RTN1: variants seen among roughly 807,000 people sequenced by gnomAD.
RTN1 encodes the protein reticulon-1.
Under a neutral mutation model 65.5 loss-of-function variants are expected in RTN1, and 25 were observed. That is an observed-to-expected ratio of 0.38 (90% CI 0.28 to 0.53). The LOEUF (loss-of-function observed/expected upper bound fraction) is 0.53, where lower values mean the gene tolerates loss of function less well. Among genes scored for constraint, RTN1 ranks in the 20% least tolerant of loss-of-function variants. The pLI, the probability that RTN1 is intolerant of heterozygous loss-of-function variation, is 0.79. For synonymous variants in RTN1, 471 were observed against 447.6 expected, an observed-to-expected ratio of 1.05 and a Z score of -0.66; for missense variants, 983 against 1,025.4, an observed-to-expected ratio of 0.96 and a Z score of 0.57.
chr14:59,802,610 T>C (rs572257635), intron 1 of RTN1, among the ~76,000 whole-genome samples: 1 of 152,338 alleles, frequency 6.6e-6, no homozygotes, highest in East Asian at 1.9e-4. Context: ...TTTAGTAGTG[T>C]ATTTAGAATT....
chr14:59,749,559 C>CTATATATTTA lies in RTN1; in HGVS notation c.242-3079_242-3078insTAAATATATA, dbSNP rs1566712167. On this transcript the variant is annotated intron_variant, in intron 1 of 8. Transcript: ENST00000267484. ...TATCTATATATATTTATATAGATAT[C>CTATATATTTA]TATATATAGATATATATATATAGAT... 5.1e-3 allele frequency among the ~76,000 whole-genome samples: 149 copies of CTATATATTTA among 29,472 alleles called. 13 individuals are homozygous for CTATATATTTA. Among genetic ancestry groups the CTATATATTTA allele is most frequent in the African/African-American group, 0.042 (143 of 3,394 alleles). 19.3% of individuals were successfully genotyped at this position (29,472 alleles called of 152,430 possible). A position where few individuals can be genotyped will look rare whatever the true frequency, so the allele number is the denominator to read the frequency against.
intron 8 of RTN1, among the ~76,000 whole-genome samples, chr14:59,601,095 T>C (rs1376147914): frequency 6.6e-6 from 1 of 152,190 alleles, no homozygotes; most frequent in East Asian, 1.9e-4. Context: ...GAATCAAAAC[T>C]CCACAGAGCA....
intron 2 of RTN1, among the ~76,000 whole-genome samples, chr14:59,740,868 T>G (rs894418289): frequency 1.3e-5 from 2 of 152,150 alleles, no homozygotes; most frequent in South Asian, 4.1e-4. Flanking sequence ...GTATCAAGAC[T>G]GACACTGCAA....
intron 1 of RTN1, among the ~76,000 whole-genome samples, chr14:59,771,206 T>C (rs187216240): frequency 4.6e-5 from 7 of 152,328 alleles, no homozygotes; most frequent in African/African-American, 1.7e-4. Context: ...AGTAGATATT[T>C]TGATCTCATA....
chr14:59,673,424 G>T (rs1883554185), intron 3 of RTN1, among the ~76,000 whole-genome samples: 1 of 152,208 alleles, frequency 6.6e-6, no homozygotes, highest in Non-Finnish European at 1.5e-5. Flanking sequence ...GTGAGTTCCA[G>T]GTCCTTGTCC....
chr14:59,815,768 G>A (rs141647389), intron 1 of RTN1, among the ~76,000 whole-genome samples: 10 of 152,150 alleles, frequency 6.6e-5, no homozygotes, highest in Non-Finnish European at 1.0e-4. Flanking sequence ...GGATCCTATG[G>A]TCTGCCTTTT....
At position 59,868,081 on chromosome 14, in the gene RTN1, T is replaced by G. The variant is rs1887828766; in HGVS notation, c.241+2309A>C. ...TGAGGGCTCACCTGCTAACTTTGCT[T>G]ATAGCAATAGAACTGCCAAAATAAC... is the stretch of plus-strand genomic sequence containing the variant. On this transcript the variant is annotated intron_variant, in intron 1 of 8. Coordinates refer to ENST00000267484, the MANE Select transcript of RTN1 (RefSeq NM_021136.3). The surrounding 1 kb of genome is among the most constrained non-coding windows in gnomAD (Gnocchi z 4.0). Among the ~76,000 whole-genome samples the G allele has an allele frequency of 6.6e-6, 1 of 152,240 alleles. No individual in the cohort carries two copies. The highest frequency in any genetic ancestry group is 2.4e-5 in the African/African-American group (1 of 41,462).
intron 8 of RTN1, among the ~76,000 whole-genome samples, chr14:59,598,382 T>C (rs1338960337): frequency 2.6e-5 from 4 of 152,166 alleles, no homozygotes; most frequent in East Asian, 1.9e-4. Flanking sequence ...AGTTCTGGGG[T>C]GAGATTGCAC....
intron 3 of RTN1, among the ~76,000 whole-genome samples, chr14:59,639,261 C>A (rs1882727421): frequency 6.6e-6 from 1 of 152,164 alleles, no homozygotes; most frequent in Admixed American, 6.5e-5. Flanking sequence ...GATCACAGAT[C>A]ACCATAACAG....
intron 1 of RTN1, among the ~76,000 whole-genome samples, chr14:59,770,726 C>T (rs1270161091): frequency 6.6e-6 from 1 of 152,088 alleles, no homozygotes; most frequent in Non-Finnish European, 1.5e-5. Flanking sequence ...AGGCTCATTT[C>T]CCTGAAGGCT....
At chr14:59,807,997 A>G (rs1403898271) in intron 1 of RTN1, among the ~76,000 whole-genome samples, 4 of 152,246 alleles carry the variant, frequency 2.6e-5, no homozygotes, top group African/African-American at 4.8e-5. Flanking sequence ...CGAGTCATAC[A>G]GGATGTTTGC....
At chr14:59,652,913 T>G (rs1883048228) in intron 3 of RTN1, among the ~76,000 whole-genome samples, 1 of 151,808 alleles carries the variant, frequency 6.6e-6, no homozygotes. Flanking sequence ...ACGAAAAAAG[T>G]ACAGAGACTT....
At chr14:59,844,868 T>A (rs181943755) in intron 1 of RTN1, among the ~76,000 whole-genome samples, 229 of 152,338 alleles carry the variant, frequency 1.5e-3, no homozygotes, top group Middle Eastern at 3.4e-3. Context: ...TTCTAATACA[T>A]CTTACTAGCT....
chr14:59,755,445 C>T (rs1885619415), intron 1 of RTN1, among the ~76,000 whole-genome samples: 1 of 152,126 alleles, frequency 6.6e-6, no homozygotes, highest in Non-Finnish European at 1.5e-5. Context: ...AAGCCAGAAT[C>T]AATGACCAAA....
chr14:59,868,337 T>C lies in RTN1; in HGVS notation c.241+2053A>G, dbSNP rs1357265885. 6.6e-6 allele frequency among the ~76,000 whole-genome samples: 1 copy of C among 152,226 alleles called. No homozygotes were observed. The highest frequency in any genetic ancestry group is 1.5e-5 in the Non-Finnish European group (1 of 68,036). The stretch of plus-strand genomic sequence containing the variant: ...TGCAAAATATGTGCTCCTTCCATCT[T>C]TCTTCATTCTTCTCCCATCCAAACG... On this transcript the variant is annotated intron_variant, in intron 1 of 8. Transcript: ENST00000267484. This position sits in a 1 kb window ranked among gnomAD's most constrained non-coding sequence, Gnocchi z 4.0.
At position 59,727,812 on chromosome 14, in the gene RTN1, A is replaced by G; in HGVS notation, c.1016-144T>C. The G allele has an allele frequency of 8.3e-7, 1 of 1,201,382 alleles. No individual in the cohort carries two copies. The highest frequency in any genetic ancestry group is 1.7e-5 in the South Asian group (1 of 60,280). 74.4% of individuals were successfully genotyped at this position (1,201,382 alleles called of 1,614,324 possible). A position where few individuals can be genotyped will look rare whatever the true frequency, so the allele number is the denominator to read the frequency against. On this transcript the variant is annotated intron_variant, in intron 2 of 8. Transcript: ENST00000267484. The surrounding 1 kb of genome is among the most constrained non-coding windows in gnomAD (Gnocchi z 4.2). ...AAACACATATCTCATTAGCACAAAA[A>G]TAATCTGTTTCCAGGGCTATGCTGG... is the stretch of plus-strand genomic sequence containing the variant.
At chr14:59,608,428 G>A (rs945123500) in intron 3 of RTN1, among the ~76,000 whole-genome samples, 1 of 152,180 alleles carries the variant, frequency 6.6e-6, no homozygotes, top group Non-Finnish European at 1.5e-5. Context: ...AAGAGAGCAG[G>A]GAGCTACTCC....
At chr14:59,752,770 T>C (rs1342634388) in intron 1 of RTN1, among the ~76,000 whole-genome samples, 1 of 152,188 alleles carries the variant, frequency 6.6e-6, no homozygotes, top group Non-Finnish European at 1.5e-5. Flanking sequence ...ACGAGTGGTC[T>C]TATTCTGTGC....
intron 1 of RTN1, among the ~76,000 whole-genome samples, chr14:59,800,119 A>C (rs779326730): frequency 1.3e-5 from 2 of 152,282 alleles, no homozygotes; most frequent in South Asian, 4.1e-4. Flanking sequence ...AATTGAGAAA[A>C]GCCTTCTGGC....
Sources: gnomAD v4.1 joint callset for allele counts (sites outside exome capture counted in the v4.1 genomes callset) on GRCh38, gnomAD v4.1.1 for gene constraint, Gnocchi (gnomAD v3.1) non-coding constraint, MANE v1.5 for transcripts, NCBI Gene and HGNC (gene_info 2026-07-23, HGNC 2026-07-21) for gene names.